MAML2: variants seen among roughly 807,000 people sequenced by gnomAD.
MAML2 encodes mastermind like transcriptional coactivator 2.
Under a neutral mutation model 96.1 loss-of-function variants are expected in MAML2, and 22 were observed. The ratio of observed to expected loss-of-function variants is 0.23; its 90% CI spans 0.16 to 0.33. The LOEUF is 0.33. Among genes scored for constraint, MAML2 ranks in the 10% least tolerant of loss-of-function variants. The pLI, the probability that MAML2 is intolerant of heterozygous loss-of-function variation, is 1.00. For synonymous variants in MAML2, 561 were observed against 521.3 expected, an observed-to-expected ratio of 1.08 and a Z score of -1.04; for missense variants, 1,367 against 1,392.4, an observed-to-expected ratio of 0.98 and a Z score of 0.29.
intron 1 of MAML2, among the ~76,000 whole-genome samples, chr11:96,136,262 C>T (rs1287488092): frequency 6.7e-6 from 1 of 149,746 alleles, no homozygotes; most frequent in East Asian, 1.9e-4. Flanking sequence ...CAGAATGAGC[C>T]GCATAATTGC....
intron 1 of MAML2, among the ~76,000 whole-genome samples, chr11:96,226,195 G>C (rs749017126): frequency 6.6e-6 from 1 of 152,180 alleles, no homozygotes; most frequent in Non-Finnish European, 1.5e-5. Context: ...AGTTATTTAA[G>C]AATGATTTTA....
At chr11:96,033,841 G>C (rs1303560450) in intron 2 of MAML2, among the ~76,000 whole-genome samples, 2 of 152,162 alleles carry the variant, frequency 1.3e-5, no homozygotes, top group Admixed American at 1.3e-4. Context: ...TTTGGATCCA[G>C]TTGGAATTAC....
intron 1 of MAML2, among the ~76,000 whole-genome samples, chr11:96,141,856 C>A (rs571668871): frequency 6.6e-6 from 1 of 152,328 alleles, no homozygotes; most frequent in South Asian, 2.1e-4. Context: ...GGCACTGTGG[C>A]CAACATTACC....
chr11:96,025,090 C>T (rs568225082), intron 2 of MAML2, among the ~76,000 whole-genome samples: 3 of 152,274 alleles, frequency 2.0e-5, no homozygotes, highest in East Asian at 3.9e-4. Flanking sequence ...CAAAAAGACA[C>T]GTGCACTCGC....
chr11:96,163,210 A>G (rs1271306054), intron 1 of MAML2, among the ~76,000 whole-genome samples: 1 of 152,170 alleles, frequency 6.6e-6, no homozygotes, highest in African/African-American at 2.4e-5. Context: ...CCTCCCTTCA[A>G]GAAAAAGTTG....
chr11:96,169,347 T>G (rs1041787357), intron 1 of MAML2, among the ~76,000 whole-genome samples: 1 of 152,160 alleles, frequency 6.6e-6, no homozygotes, highest in Non-Finnish European at 1.5e-5. Flanking sequence ...AAAGACCCAT[T>G]CTCTTTCCTC....
At chr11:96,182,707 G>A (rs1591059782) in intron 1 of MAML2, among the ~76,000 whole-genome samples, 1 of 152,106 alleles carries the variant, frequency 6.6e-6, no homozygotes, top group Non-Finnish European at 1.5e-5. Context: ...GCTTGCACAA[G>A]TCCACACAGC....
intron 1 of MAML2, among the ~76,000 whole-genome samples, chr11:96,139,210 G>T (rs1181203676): frequency 6.6e-6 from 1 of 152,104 alleles, no homozygotes; most frequent in East Asian, 1.9e-4. Context: ...GACAGTGGTG[G>T]CTCACACCTG....
At chr11:96,237,137 G>A (rs952943812) in intron 1 of MAML2, among the ~76,000 whole-genome samples, 5 of 152,146 alleles carry the variant, frequency 3.3e-5, no homozygotes, top group African/African-American at 1.2e-4. Flanking sequence ...TTGTAGCTAT[G>A]GTTCTCCCTT....
chr11:96,303,827 T>C (rs1386741402), intron 1 of MAML2, among the ~76,000 whole-genome samples: 1 of 152,184 alleles, frequency 6.6e-6, no homozygotes, highest in Non-Finnish European at 1.5e-5. Context: ...AATCCTGGCC[T>C]CACCCAAGGC....
intron 2 of MAML2, among the ~76,000 whole-genome samples, chr11:96,029,920 T>C (rs1858584687): frequency 6.6e-6 from 1 of 152,228 alleles, no homozygotes; most frequent in South Asian, 2.1e-4. Context: ...TCAGCTAATT[T>C]TTTTAAAAGA....
chr11:96,273,866 T>C (rs1862946981), intron 1 of MAML2, among the ~76,000 whole-genome samples: 1 of 152,206 alleles, frequency 6.6e-6, no homozygotes, highest in Non-Finnish European at 1.5e-5. Context: ...TTTTCATATA[T>C]CAAATGGAGA....
chr11:96,057,095 TA>T (rs1405769379), intron 2 of MAML2, among the ~76,000 whole-genome samples: 1 of 152,186 alleles, frequency 6.6e-6, no homozygotes, highest in East Asian at 1.9e-4. Flanking sequence ...AGATCTACAG[TA>T]GCAGAAGTAG....
chr11:96,230,861 T>C lies in MAML2; in HGVS notation c.513+110522A>G, dbSNP rs138641805. On this transcript the variant is annotated intron_variant, in intron 1 of 4. Transcript: ENST00000524717. The stretch of plus-strand genomic sequence containing the variant: ...CTTCTCTACCCAAATAGCGGTGTTG[T>C]AAGAGATCATCACACTCACTTCTGC... Among the ~76,000 whole-genome samples the C allele has an allele frequency of 1.0e-3, 159 of 152,364 alleles. 1 individual carries two copies. Among genetic ancestry groups the C allele is most frequent in the Middle Eastern group, 6.8e-3 (2 of 294 alleles).
intron 2 of MAML2, among the ~76,000 whole-genome samples, chr11:96,002,883 TGAG>T (rs746827369): frequency 4.2e-5 from 5 of 118,484 alleles, no homozygotes; most frequent in Admixed American, 9.2e-5. Context: ...ATGGGGATGA[TGAG>T]GAGGATGATG....
chr11:95,991,374 C>G (rs144272116), intron 3 of MAML2, 146 bp downstream of exon 3: 2 of 757,518 alleles, frequency 2.6e-6, no homozygotes, highest in East Asian at 5.1e-5. Context: ...CTGCAGTACA[C>G]TAAATGTATG....
intron 1 of MAML2, among the ~76,000 whole-genome samples, chr11:96,096,885 A>C (rs1368475140): frequency 6.6e-6 from 1 of 152,232 alleles, no homozygotes; most frequent in Admixed American, 6.5e-5. Flanking sequence ...GGACAGAAGA[A>C]GTCATGTGTG....
At chr11:96,266,859 C>A (rs1441476610) in intron 1 of MAML2, among the ~76,000 whole-genome samples, 1 of 152,020 alleles carries the variant, frequency 6.6e-6, no homozygotes, top group Non-Finnish European at 1.5e-5. Context: ...ATAATGAGCC[C>A]CTTCTGTGAT....
intron 2 of MAML2, among the ~76,000 whole-genome samples, chr11:96,035,333 T>TA (rs1001944248): frequency 6.6e-6 from 1 of 152,204 alleles, no homozygotes; most frequent in Admixed American, 6.5e-5. Flanking sequence ...GAGTGTCTTT[T>TA]AAAAAAGTAG....
Sources: allele counts gnomAD v4.1 joint callset (sites outside exome capture counted in the v4.1 genomes callset), GRCh38; gene constraint gnomAD v4.1.1; transcripts MANE v1.5; gene names NCBI Gene and HGNC (gene_info 2026-07-23, HGNC 2026-07-21).